The following ELMO1 variants were observed in gnomAD, a reference collection of about 807,000 sequenced individuals.
The protein encoded by ELMO1 is engulfment and cell motility 1, also known as engulfment and cell motility protein 1.
A neutral mutation model predicts 98.9 loss-of-function variants in ELMO1; 26 were observed. The observed-to-expected ratio is 0.26, with a 90% CI of 0.19 to 0.36. The LOEUF (loss-of-function observed/expected upper bound fraction) is 0.36. Among genes scored for constraint, ELMO1 ranks in the 10% least tolerant of loss-of-function variants. The pLI, the probability that ELMO1 is intolerant of heterozygous loss-of-function variation, is 1.00. For missense variants in ELMO1, 627 were observed against 935.2 expected (o/e 0.67, Z 4.30); for synonymous variants, 346 against 346.0 (o/e 1.00, Z 0.00).
At chr7:37,376,106 A>C (rs1802330811) in intron 1 of ELMO1, 2 of 334,666 alleles carry the variant, frequency 6.0e-6, no homozygotes, top group African/African-American at 2.1e-5. Context: ...AACAAAAAAA[A>C]CACTGATTCT....
chr7:36,968,033 T>G (rs1037993384), intron 16 of ELMO1, among the ~76,000 whole-genome samples: 2 of 152,202 alleles, frequency 1.3e-5, no homozygotes, highest in African/African-American at 4.8e-5. Context: ...TAGAAAGAAA[T>G]ATAAAAATAA....
At chr7:37,199,241 C>T (rs1309254097) in intron 13 of ELMO1, among the ~76,000 whole-genome samples, 3 of 152,112 alleles carry the variant, frequency 2.0e-5, no homozygotes, top group East Asian at 1.9e-4. Context: ...GTAAGAAGAA[C>T]GAAGGTCAAG....
chr7:37,417,888 G>T (rs1804297276), intron 1 of ELMO1, among the ~76,000 whole-genome samples: 4 of 152,118 alleles, frequency 2.6e-5, no homozygotes, highest in Admixed American at 2.6e-4. Flanking sequence ...ACACAAGAAG[G>T]CAGCCATATG....
chr7:37,002,340 T>A (rs1792734631), intron 16 of ELMO1, among the ~76,000 whole-genome samples: 1 of 152,226 alleles, frequency 6.6e-6, no homozygotes, highest in Non-Finnish European at 1.5e-5. Flanking sequence ...GAAATTCACT[T>A]CACCCATCAT....
At chr7:36,858,487 C>A (rs1466264510) in intron 21 of ELMO1, among the ~76,000 whole-genome samples, 1 of 152,084 alleles carries the variant, frequency 6.6e-6, no homozygotes, top group East Asian at 1.9e-4. Flanking sequence ...AAAAATAATA[C>A]CCGCCTTCCA....
intron 13 of ELMO1, among the ~76,000 whole-genome samples, chr7:37,145,348 C>A (rs1264445418): frequency 6.6e-6 from 1 of 152,196 alleles, no homozygotes. Context: ...TCCACTGGTT[C>A]CCAGGTGCAC....
chr7:37,230,908 G>A (rs1244844445), intron 8 of ELMO1, among the ~76,000 whole-genome samples: 1 of 152,166 alleles, frequency 6.6e-6, no homozygotes, highest in Non-Finnish European at 1.5e-5. Flanking sequence ...AAGGTGGCAG[G>A]AAAGTACTTT....
intron 5 of ELMO1, among the ~76,000 whole-genome samples, chr7:37,269,080 GTGT>G (rs892845840): frequency 7.2e-5 from 11 of 152,224 alleles, no homozygotes; most frequent in African/African-American, 1.7e-4. Flanking sequence ...ACTCTAATAG[GTGT>G]TGTTGTTTTT....
intron 13 of ELMO1, among the ~76,000 whole-genome samples, chr7:37,164,044 A>G (rs1563047810): frequency 1.3e-5 from 2 of 152,206 alleles, no homozygotes; most frequent in East Asian, 1.9e-4. Context: ...CTGGTGTGAG[A>G]TAATATCCCA....
intron 15 of ELMO1, among the ~76,000 whole-genome samples, chr7:37,054,964 T>C (rs1796317672): frequency 6.6e-6 from 1 of 152,264 alleles, no homozygotes; most frequent in East Asian, 1.9e-4. Context: ...ATTGCATTTC[T>C]TGTCCTAGCA....
chr7:37,218,982 T>C (rs1793445977), intron 10 of ELMO1, among the ~76,000 whole-genome samples: 1 of 152,244 alleles, frequency 6.6e-6, no homozygotes, highest in African/African-American at 2.4e-5. Context: ...CCAACATATT[T>C]GCCATTGAAA....
At chr7:37,230,124 A>C (rs1404605708) in intron 8 of ELMO1, among the ~76,000 whole-genome samples, 1 of 152,176 alleles carries the variant, frequency 6.6e-6, no homozygotes, top group East Asian at 1.9e-4. Flanking sequence ...GCTTCCAAGC[A>C]AATTTTATTC....
intron 16 of ELMO1, among the ~76,000 whole-genome samples, chr7:36,908,743 G>C (rs1202312324): frequency 6.6e-6 from 1 of 152,092 alleles, no homozygotes; most frequent in Admixed American, 6.5e-5. Context: ...ATTAGAAAAC[G>C]TATGTTTAAA....
intron 2 of ELMO1, among the ~76,000 whole-genome samples, chr7:37,317,612 G>A (rs1317016572): frequency 4.6e-5 from 7 of 151,996 alleles, no homozygotes; most frequent in African/African-American, 1.2e-4. Flanking sequence ...TTGTGGGATC[G>A]AAAAATCAAA....
At chr7:36,863,372 T>C (rs535313262) in intron 20 of ELMO1, among the ~76,000 whole-genome samples, 9 of 152,322 alleles carry the variant, frequency 5.9e-5, no homozygotes, top group African/African-American at 2.2e-4. Flanking sequence ...CCATCTCTCT[T>C]GGGCCTTTTA....
intron 15 of ELMO1, among the ~76,000 whole-genome samples, chr7:37,023,497 C>T (rs1036228196): frequency 2.0e-5 from 3 of 152,134 alleles, no homozygotes; most frequent in African/African-American, 7.2e-5. Context: ...ATGCAGGCAT[C>T]CTGGACCAAT....
chr7:36,989,595 A>G (rs1045312512), intron 16 of ELMO1, among the ~76,000 whole-genome samples: 29 of 152,240 alleles, frequency 1.9e-4, no homozygotes, highest in African/African-American at 6.3e-4. Flanking sequence ...AGAGGGTCTC[A>G]CTATTTCAAG....
At chr7:36,937,376 TGG>T (rs1273204373) in intron 16 of ELMO1, among the ~76,000 whole-genome samples, 1 of 152,152 alleles carries the variant, frequency 6.6e-6, no homozygotes, top group Admixed American at 6.5e-5. Flanking sequence ...ATGCCAAGGA[TGG>T]CCAGCAATTC....
intron 1 of ELMO1, among the ~76,000 whole-genome samples, chr7:37,442,328 C>A (rs140644727): frequency 4.5e-4 from 69 of 152,156 alleles, no homozygotes; most frequent in Non-Finnish European, 6.2e-4. Context: ...GAAACCATCA[C>A]GGTCAAAGGA....
Sources: allele counts gnomAD v4.1 joint callset (sites outside exome capture counted in the v4.1 genomes callset), GRCh38; gene constraint gnomAD v4.1.1; transcripts MANE v1.5; gene names NCBI Gene and HGNC (gene_info 2026-07-23, HGNC 2026-07-21).